CNTNAP4: variants seen among roughly 807,000 people sequenced by gnomAD.
The protein encoded by CNTNAP4 is contactin-associated protein-like 4.
CNTNAP4 carries 98 observed loss-of-function variants against 148.4 expected under a neutral mutation model. The observed-to-expected ratio is 0.66, with a 90% CI of 0.56 to 0.78. The LOEUF is 0.78. Ranked by LOEUF, CNTNAP4 falls within the 30% of genes least tolerant of loss-of-function variation. The pLI, the probability that CNTNAP4 is intolerant of heterozygous loss-of-function variation, is 0.00. For synonymous variants in CNTNAP4, 730 were observed against 565.1 expected (o/e 1.29, Z -4.14); for missense variants, 1,935 against 1,565.6 (o/e 1.24, Z -3.98).
intron 2 of CNTNAP4, among the ~76,000 whole-genome samples, chr16:76,345,510 C>G (rs533163108): frequency 7.8e-4 from 119 of 152,272 alleles, no homozygotes; most frequent in African/African-American, 2.7e-3. Context: ...TCCATTGAAA[C>G]AATTCCGTTG....
At chr16:76,355,825 T>C (rs929606889) in intron 3 of CNTNAP4, among the ~76,000 whole-genome samples, 27 of 151,336 alleles carry the variant, frequency 1.8e-4, no homozygotes, top group African/African-American at 6.5e-4. Flanking sequence ...AAAAACATAA[T>C]AGTCTTGCAT....
chr16:76,389,433 GT>G (rs1001408222), intron 3 of CNTNAP4, among the ~76,000 whole-genome samples: 7 of 151,918 alleles, frequency 4.6e-5, no homozygotes, highest in African/African-American at 9.7e-5. Context: ...GTGCTGTTTA[GT>G]TTTTTTTGTT....
chr16:76,373,622 G>A (rs2015094316), intron 3 of CNTNAP4, among the ~76,000 whole-genome samples: 1 of 152,084 alleles, frequency 6.6e-6, no homozygotes, highest in Non-Finnish European at 1.5e-5. Flanking sequence ...AGGCGCAGTG[G>A]CTCATCTCAT....
chr16:76,378,751 G>A (rs528127833), intron 3 of CNTNAP4, among the ~76,000 whole-genome samples: 13 of 152,280 alleles, frequency 8.5e-5, no homozygotes, highest in Middle Eastern at 6.8e-3. Context: ...CACAGCTTTT[G>A]AGGGATGTTG....
intron 15 of CNTNAP4, among the ~76,000 whole-genome samples, chr16:76,520,132 A>G (rs544386069): frequency 2.6e-5 from 4 of 152,314 alleles, no homozygotes; most frequent in South Asian, 4.1e-4. Context: ...CTAAAGATGT[A>G]TATTCGTATT....
Position 76,316,337 on chromosome 16 carries a change from T to C in CNTNAP4, c.86-76T>C, listed in dbSNP as rs1457163503. The C allele has an allele frequency of 4.5e-6, 4 of 880,694 alleles. No individual in the cohort carries two copies. In the African/African-American group the frequency reaches 4.9e-5, roughly 11 times the overall value. The allele number at this position is 880,694 out of a possible 1,614,324, so 54.6% of individuals were successfully genotyped here. A position where few individuals can be genotyped will look rare whatever the true frequency, so the allele number is the denominator to read the frequency against. ...GTTTTTGATGTTGTTGTTTTACTTG[T>C]TGGTTGTTTTGTCTATTGATTCCAC... is the stretch of plus-strand genomic sequence containing the variant. On this transcript the variant is annotated intron_variant, in intron 1 of 23. Coordinates refer to ENST00000611870, the MANE Select transcript of CNTNAP4 (RefSeq NM_033401.5).
intron 3 of CNTNAP4, among the ~76,000 whole-genome samples, chr16:76,401,355 T>C (rs765199551): frequency 6.6e-6 from 1 of 152,148 alleles, no homozygotes; most frequent in African/African-American, 2.4e-5. Flanking sequence ...TTGGCTGTTA[T>C]TGGTGTATAG....
chr16:76,453,938 G>A (rs1221180489), intron 8 of CNTNAP4, among the ~76,000 whole-genome samples: 1 of 151,746 alleles, frequency 6.6e-6, no homozygotes, highest in African/African-American at 2.4e-5. Context: ...TAATTAATAG[G>A]CCCTGAAAAT....
At chr16:76,395,664 A>T (rs1413357295) in intron 3 of CNTNAP4, among the ~76,000 whole-genome samples, 1 of 152,142 alleles carries the variant, frequency 6.6e-6, no homozygotes, top group Non-Finnish European at 1.5e-5. Context: ...ACCATTAGGC[A>T]GTTCTATTTT....
intron 19 of CNTNAP4, among the ~76,000 whole-genome samples, chr16:76,538,690 G>A (rs1228625501): frequency 6.6e-6 from 1 of 151,890 alleles, no homozygotes; most frequent in African/African-American, 2.4e-5. Flanking sequence ...CTTGTTGTAT[G>A]TAACTATTTC....
intron 1 of CNTNAP4, among the ~76,000 whole-genome samples, chr16:76,296,463 A>G (rs1206624828): frequency 6.6e-6 from 1 of 152,230 alleles, no homozygotes; most frequent in Non-Finnish European, 1.5e-5. Context: ...GTGTAAAAAG[A>G]GAATTTGGTA....
chr16:76,355,623 T>C (rs1046089217), intron 3 of CNTNAP4, 112 bp downstream of exon 3: 90 of 701,938 alleles, frequency 1.3e-4, no homozygotes, highest in Middle Eastern at 7.8e-4. Flanking sequence ...CAGACTTACA[T>C]TGAAAACATT....
rs190329491 is a variant in CNTNAP4 at position 76,427,289 on chromosome 16, A to G, written c.391-163A>G. ...GTTGAAGCGACAGTAATTTCTCTGG[A>G]TGCAGAGACATCATGACATAACTGT... On this transcript the variant is annotated intron_variant, in intron 3 of 23. Transcript: ENST00000611870. Among the ~76,000 whole-genome samples the G allele has an allele frequency of 2.6e-5, 4 of 152,234 alleles. No homozygotes were observed. In the East Asian group the frequency reaches 7.7e-4, roughly 29 times the overall value.
At chr16:76,459,082 A>T in intron 8 of CNTNAP4, among the ~76,000 whole-genome samples, 1 of 152,170 alleles carries the variant, frequency 6.6e-6, no homozygotes, top group East Asian at 1.9e-4. Flanking sequence ...ACACCAGTGG[A>T]AAGTCTAAAA....
intron 13 of CNTNAP4, among the ~76,000 whole-genome samples, chr16:76,491,385 G>A (rs566318647): frequency 3.3e-5 from 5 of 152,312 alleles, no homozygotes; most frequent in South Asian, 4.1e-4. Flanking sequence ...TGAAATGGAC[G>A]AATGGTTAAT....
At chr16:76,351,734 G>A (rs916583427) in intron 2 of CNTNAP4, among the ~76,000 whole-genome samples, 1 of 152,206 alleles carries the variant, frequency 6.6e-6, no homozygotes, top group African/African-American at 2.4e-5. Context: ...AATGTTTCAA[G>A]TTGGCTGGTG....
At chr16:76,318,358 T>C (rs866892566) in intron 2 of CNTNAP4, among the ~76,000 whole-genome samples, 3 of 152,318 alleles carry the variant, frequency 2.0e-5, no homozygotes, top group Admixed American at 2.0e-4. Flanking sequence ...TCAAATCATA[T>C]TTTTCATTAA....
At chr16:76,422,013 A>G (rs1267808193) in intron 3 of CNTNAP4, among the ~76,000 whole-genome samples, 1 of 152,204 alleles carries the variant, frequency 6.6e-6, no homozygotes, top group African/African-American at 2.4e-5. Context: ...GAGTTGCTCA[A>G]TTAATATTTG....
At chr16:76,449,624 G>A in intron 6 of CNTNAP4, 91 bp from the exon 7 acceptor site, 3 of 1,081,092 alleles carry the variant, frequency 2.8e-6, no homozygotes, top group South Asian at 1.8e-5. Context: ...TGATCTGTGT[G>A]TGATGATTAT....
Sources: gnomAD v4.1 joint callset for allele counts (sites outside exome capture counted in the v4.1 genomes callset) on GRCh38, gnomAD v4.1.1 for gene constraint, MANE v1.5 for transcripts, NCBI Gene and HGNC (gene_info 2026-07-23, HGNC 2026-07-21) for gene names.